Variants in CIB4 observed in about 807,000 individuals in gnomAD.
CIB4 encodes the protein calcium and integrin binding family member 4, also known as calcium and integrin-binding family member 4.
Under a neutral mutation model 25.8 loss-of-function variants are expected in CIB4, and 25 were observed. That is an observed-to-expected ratio of 0.97 (90% CI 0.71 to 1.35). The LOEUF (loss-of-function observed/expected upper bound fraction) is 1.35, where lower values mean the gene tolerates loss of function less well. Ranked by LOEUF, CIB4 falls within the 40% of genes most tolerant of loss-of-function variation. CIB4 has a pLI of 0.00. For missense variants in CIB4, 235 were observed against 228.2 expected (o/e 1.03, Z -0.19); for synonymous variants, 75 against 81.4 (o/e 0.92, Z 0.42).
chr2:26,593,349 T>C (rs1174573116), intron 4 of CIB4, among the ~76,000 whole-genome samples: 2 of 151,730 alleles, frequency 1.3e-5, no homozygotes, highest in Non-Finnish European at 2.9e-5. Context: ...TATATATACA[T>C]ATATACATAT....
chr2:26,641,170 G>A, intron 1 of CIB4, 91 bp downstream of exon 1: 1 of 1,129,396 alleles, frequency 8.9e-7, no homozygotes. Flanking sequence ...GGACACCCCT[G>A]CTAGAGCGTC....
At chr2:26,590,479 G>A (rs180919092) in intron 4 of CIB4, among the ~76,000 whole-genome samples, 1 of 152,224 alleles carries the variant, frequency 6.6e-6, no homozygotes, top group African/African-American at 2.4e-5. Context: ...CACACCGGGG[G>A]TAGCAAGGGG....
rs867017623 is a variant in CIB4 at position 26,589,042 on chromosome 2, T to C, written c.329-5144A>G. 5.2e-3 allele frequency among the ~76,000 whole-genome samples: 246 copies of C among 47,392 alleles called. 10 individuals are homozygous for C. The highest frequency in any genetic ancestry group is 0.014 in the African/African-American group (154 of 11,404). 31.1% of individuals were successfully genotyped at this position (47,392 alleles called of 152,430 possible). ...CTTCTTCTTCTTCTTCTTCTTCTTC[T>C]TCTTCTTCTTCTTCTTCCTCTTCCT... is the stretch of plus-strand genomic sequence containing the variant. On this transcript the variant is annotated intron_variant, in intron 4 of 6. Coordinates refer to ENST00000288861, the MANE Select transcript of CIB4 (RefSeq NM_001029881.3).
At chr2:26,589,113 CT>C in intron 4 of CIB4, among the ~76,000 whole-genome samples, 6 of 107,846 alleles carry the variant, frequency 5.6e-5, no homozygotes, top group African/African-American at 2.8e-4. Flanking sequence ...TCTTCCTCTT[CT>C]TCTTCTTCTT....
Position 26,612,072 on chromosome 2 carries a change from A to G in CIB4, c.187-16755T>C, listed in dbSNP as rs1448163575. Among the ~76,000 whole-genome samples the G allele has an allele frequency of 2.6e-5, 4 of 152,254 alleles. No individual in the cohort carries two copies. The East Asian group carries it at 7.7e-4, about 29-fold the overall frequency. On this transcript the variant is annotated intron_variant, in intron 3 of 6. Transcript: ENST00000288861. The stretch of plus-strand genomic sequence containing the variant: ...TTAAAAAAGAAAGTGCACTCCAGAG[A>G]CAATTTGCTAAGCAAGCAAAACAAC...
At chr2:26,616,210 T>C (rs931376391) in intron 3 of CIB4, among the ~76,000 whole-genome samples, 1 of 152,208 alleles carries the variant, frequency 6.6e-6, no homozygotes, top group African/African-American at 2.4e-5. Flanking sequence ...ACAGCCCAGA[T>C]CTCAGGACTT....
chr2:26,581,410 CGTGAGCCAT>C lies in CIB4; in HGVS notation c.528-26_528-18del. ...CGAAAGGAGCTGAAAGAAAGAATCC[CGTGAGCCAT>C]GTGAGCCCGCAGGTCCAAGGGGCCC... On this transcript the variant is annotated intron_variant, in intron 6 of 6. Coordinates refer to ENST00000288861, the MANE Select transcript of CIB4 (RefSeq NM_001029881.3). The C allele has an allele frequency of 6.2e-7, 1 of 1,613,540 alleles. No homozygotes were observed. The highest frequency in any genetic ancestry group is 8.5e-7 in the Non-Finnish European group (1 of 1,179,652).
intron 2 of CIB4, 77 bp from the exon 3 acceptor site, chr2:26,629,583 A>T: frequency 2.1e-6 from 2 of 970,296 alleles, no homozygotes; most frequent in Non-Finnish European, 3.2e-6. Flanking sequence ...GGAGGCCAGC[A>T]AGCCTGTCTC....
intron 2 of CIB4, among the ~76,000 whole-genome samples, chr2:26,636,237 A>G (rs996305377): frequency 2.6e-5 from 4 of 152,202 alleles, no homozygotes; most frequent in African/African-American, 9.7e-5. Flanking sequence ...ATAATATTAT[A>G]TATCGTATAT....
intron 3 of CIB4, among the ~76,000 whole-genome samples, chr2:26,617,431 G>A (rs1669115820): frequency 6.6e-6 from 1 of 152,162 alleles, no homozygotes; most frequent in Non-Finnish European, 1.5e-5. Context: ...CTTGAGTAGG[G>A]CTTTCAGCTT....
chr2:26,636,104 A>G (rs1409056469), intron 2 of CIB4, among the ~76,000 whole-genome samples: 1 of 152,172 alleles, frequency 6.6e-6, no homozygotes, highest in African/African-American at 2.4e-5. Context: ...TTTTCACTAT[A>G]GATACTATCT....
At chr2:26,592,672 T>A (rs1167212032) in intron 4 of CIB4, among the ~76,000 whole-genome samples, 2 of 152,218 alleles carry the variant, frequency 1.3e-5, no homozygotes, top group Non-Finnish European at 2.9e-5. Flanking sequence ...GTTCTTCAGA[T>A]TAAGTTATTT....
Position 26,595,255 on chromosome 2 carries a change from C to G in CIB4, c.249G>C (p.Glu83Asp), listed in dbSNP as rs1393474027. ...VFSHKGMFSF[E>D]DVLGMASVFS... ...ACACAGATGCCATGCCCAGCACATC[C>G]TCAAAGGAGAACATGCCTTTGTGGG... The change falls in exon 4 of 7, where the codon GAG becomes GAC. Residue 83 changes from glutamate to aspartate, a missense_variant. Transcript: ENST00000288861. The G allele has an allele frequency of 5.6e-6, 9 of 1,614,064 alleles. No homozygotes were observed. The highest frequency in any genetic ancestry group is 1.3e-5 in the African/African-American group (1 of 74,930).
At chr2:26,600,872 AG>A (rs1318448387) in intron 3 of CIB4, among the ~76,000 whole-genome samples, 1 of 152,146 alleles carries the variant, frequency 6.6e-6, no homozygotes, top group Non-Finnish European at 1.5e-5. Context: ...GTGGAAATGC[AG>A]GGGTGAAGAA....
chr2:26,589,085 T>TC (rs1668527354), intron 4 of CIB4, among the ~76,000 whole-genome samples: 3 of 101,202 alleles, frequency 3.0e-5, no homozygotes, highest in African/African-American at 1.4e-4. Context: ...TTCTTCTTCT[T>TC]CTTCTTCTTC....
chr2:26,584,916 C>T (rs1462537332), intron 4 of CIB4, among the ~76,000 whole-genome samples: 3 of 152,172 alleles, frequency 2.0e-5, no homozygotes, highest in Non-Finnish European at 4.4e-5. Context: ...AGCCACAGCC[C>T]AGGGCCCCTG....
chr2:26,593,233 C>T (rs567572137), intron 4 of CIB4, among the ~76,000 whole-genome samples: 1 of 152,208 alleles, frequency 6.6e-6, no homozygotes, highest in Admixed American at 6.5e-5. Flanking sequence ...GATGGGACTC[C>T]TCAGCCTCCA....
intron 3 of CIB4, among the ~76,000 whole-genome samples, chr2:26,624,690 T>A (rs1669265959): frequency 7.7e-6 from 1 of 129,316 alleles, no homozygotes; most frequent in Non-Finnish European, 1.6e-5. Context: ...AAAAAGATTT[T>A]GTTTTTGAAT....
intron 2 of CIB4, among the ~76,000 whole-genome samples, chr2:26,639,476 T>A (rs1669596109): frequency 6.6e-6 from 1 of 151,684 alleles, no homozygotes; most frequent in Admixed American, 6.6e-5. Flanking sequence ...CAGGTAGCAT[T>A]TTTTTTTAGA....
Sources: allele counts gnomAD v4.1 joint callset (sites outside exome capture counted in the v4.1 genomes callset), GRCh38; gene constraint gnomAD v4.1.1; transcripts MANE v1.5; gene names NCBI Gene and HGNC (gene_info 2026-07-23, HGNC 2026-07-21).